SDK1: variants seen among roughly 807,000 people sequenced by gnomAD.
The protein encoded by SDK1 is sidekick cell adhesion molecule 1, also known as protein sidekick-1.
SDK1 carries 157 observed loss-of-function variants against 245.5 expected under a neutral mutation model. The observed-to-expected ratio is 0.64, with a 90% CI of 0.56 to 0.73. The LOEUF is 0.73. SDK1 is among the 30% of genes least tolerant of loss of function. The pLI, the probability that SDK1 is intolerant of heterozygous loss-of-function variation, is 0.00. For synonymous variants in SDK1, 1,647 were observed against 1,278.5 expected, an observed-to-expected ratio of 1.29 and a Z score of -6.15; for missense variants, 3,583 against 3,002.3, an observed-to-expected ratio of 1.19 and a Z score of -4.52.
At chr7:3,650,985 A>T (rs1017233427) in intron 4 of SDK1, among the ~76,000 whole-genome samples, 3 of 152,050 alleles carry the variant, frequency 2.0e-5, no homozygotes, top group Non-Finnish European at 4.4e-5. Context: ...GATTGTATCC[A>T]GTTTTTGGCC....
chr7:3,633,615 TA>T (rs1272746650), intron 2 of SDK1, among the ~76,000 whole-genome samples: 4 of 152,106 alleles, frequency 2.6e-5, no homozygotes, highest in Non-Finnish European at 5.9e-5. Flanking sequence ...TCTTTTTTCA[TA>T]AAAAAAGAAA....
At chr7:3,765,695 T>G (rs1167556592) in intron 4 of SDK1, among the ~76,000 whole-genome samples, 1 of 152,252 alleles carries the variant, frequency 6.6e-6, no homozygotes, top group Non-Finnish European at 1.5e-5. Flanking sequence ...CATCAGAATT[T>G]ACATATTGAA....
chr7:4,205,028 C>A (rs1234694656), intron 35 of SDK1, among the ~76,000 whole-genome samples: 1 of 152,222 alleles, frequency 6.6e-6, no homozygotes, highest in Non-Finnish European at 1.5e-5. Flanking sequence ...GCGGCCGCAA[C>A]ATCCTCATGT....
chr7:3,469,119 G>A (rs1371563125), intron 1 of SDK1, among the ~76,000 whole-genome samples: 1 of 151,916 alleles, frequency 6.6e-6, no homozygotes, highest in South Asian at 2.1e-4. Flanking sequence ...TTCGAATTTC[G>A]TGTCAATTAT....
At chr7:3,893,564 C>G (rs757424830) in intron 5 of SDK1, among the ~76,000 whole-genome samples, 3 of 151,926 alleles carry the variant, frequency 2.0e-5, no homozygotes, top group Non-Finnish European at 4.4e-5. Context: ...TCACATTTCT[C>G]CAGCATTCTG....
chr7:3,898,720 A>T (rs1781685033), intron 5 of SDK1, among the ~76,000 whole-genome samples: 2 of 152,188 alleles, frequency 1.3e-5, no homozygotes, highest in African/African-American at 2.4e-5. Flanking sequence ...TGGTTTTATT[A>T]TGTCACGCCC....
At chr7:4,205,371 G>A (rs1263630574) in intron 35 of SDK1, among the ~76,000 whole-genome samples, 1 of 152,108 alleles carries the variant, frequency 6.6e-6, no homozygotes, top group Admixed American at 6.5e-5. Context: ...CAGGAGTCCT[G>A]TGACTCCCTC....
chr7:3,769,264 G>A (rs1201760307), intron 4 of SDK1, among the ~76,000 whole-genome samples: 1 of 152,134 alleles, frequency 6.6e-6, no homozygotes, highest in Non-Finnish European at 1.5e-5. Context: ...CAGCTGTGGA[G>A]GCTGAAAGGT....
At chr7:3,807,606 G>A (rs1160554690) in intron 4 of SDK1, among the ~76,000 whole-genome samples, 1 of 152,162 alleles carries the variant, frequency 6.6e-6, no homozygotes, top group Admixed American at 6.5e-5. Flanking sequence ...GAAACAGAGA[G>A]AGTGGGCCAA....
At chr7:3,414,427 G>A (rs1018251790) in intron 1 of SDK1, among the ~76,000 whole-genome samples, 9 of 152,122 alleles carry the variant, frequency 5.9e-5, no homozygotes, top group East Asian at 1.9e-4. Flanking sequence ...AGCATCCAGC[G>A]AAGGTGGGTA....
chr7:3,493,520 T>C (rs1781928057), intron 1 of SDK1, among the ~76,000 whole-genome samples: 9 of 152,212 alleles, frequency 5.9e-5, no homozygotes, highest in Admixed American at 3.3e-4. Flanking sequence ...TACATATATT[T>C]ACTAGGAAGT....
At chr7:3,907,822 C>G (rs1238897642) in intron 5 of SDK1, among the ~76,000 whole-genome samples, 1 of 152,132 alleles carries the variant, frequency 6.6e-6, no homozygotes, top group Non-Finnish European at 1.5e-5. Context: ...CTAGAACTGC[C>G]CAGTTCTTGT....
At position 3,362,131 on chromosome 7, in the gene SDK1, G is replaced by A. The variant is rs563967606; in HGVS notation, c.298+60247G>A. On this transcript the variant is annotated intron_variant, in intron 1 of 44. Coordinates refer to ENST00000404826, the MANE Select transcript of SDK1 (RefSeq NM_152744.4). ...ATAATAGCATTTTGATCTGAGGACT[G>A]TGCTGTGATAAATAACTCTTACTGT... is the stretch of plus-strand genomic sequence containing the variant. 5.3e-5 allele frequency among the ~76,000 whole-genome samples: 8 copies of A among 152,288 alleles called. No individual in the cohort carries two copies. In the South Asian group the frequency reaches 1.7e-3, roughly 32 times the overall value.
intron 32 of SDK1, among the ~76,000 whole-genome samples, chr7:4,173,511 C>G (rs1781982912): frequency 6.6e-6 from 1 of 152,226 alleles, no homozygotes; most frequent in Admixed American, 6.5e-5. Context: ...ACCTGAAACT[C>G]CACTTCCTTA....
chr7:3,822,869 G>C (rs902061108), intron 5 of SDK1, among the ~76,000 whole-genome samples: 3 of 152,070 alleles, frequency 2.0e-5, no homozygotes, highest in African/African-American at 7.2e-5. Flanking sequence ...CAGTAGAATT[G>C]CCTGGGTGAA....
chr7:3,954,292 CTA>C (rs1231626327), intron 7 of SDK1, among the ~76,000 whole-genome samples: 1 of 58,940 alleles, frequency 1.7e-5, no homozygotes, highest in South Asian at 1.0e-3. Flanking sequence ...CCTCTACACT[CTA>C]CAGCCTCCCC....
chr7:3,841,369 C>T (rs1237498202), intron 5 of SDK1, among the ~76,000 whole-genome samples: 1 of 152,106 alleles, frequency 6.6e-6, no homozygotes, highest in African/African-American at 2.4e-5. Context: ...CAGTGCAAGC[C>T]CCGTTGCAGA....
intron 22 of SDK1, among the ~76,000 whole-genome samples, chr7:4,096,826 G>C (rs1782177926): frequency 6.6e-6 from 1 of 152,022 alleles, no homozygotes; most frequent in Non-Finnish European, 1.5e-5. Context: ...AGGGGCCGGG[G>C]ACACTGAAAC....
chr7:4,108,044 A>C (rs1256864115), intron 22 of SDK1, among the ~76,000 whole-genome samples: 1 of 152,116 alleles, frequency 6.6e-6, no homozygotes, highest in African/African-American at 2.4e-5. Context: ...GCTCCTCTCC[A>C]CTAGACACTG....
Sources: allele counts gnomAD v4.1 joint callset (sites outside exome capture counted in the v4.1 genomes callset), GRCh38; gene constraint gnomAD v4.1.1; transcripts MANE v1.5; gene names NCBI Gene and HGNC (gene_info 2026-07-23, HGNC 2026-07-21).